The following ALOX15B variants were observed in gnomAD, a reference collection of about 807,000 sequenced individuals.
ALOX15B encodes arachidonate 15-lipoxygenase type B, also known as polyunsaturated fatty acid lipoxygenase ALOX15B.
ALOX15B carries 74 observed loss-of-function variants against 73.8 expected under a neutral mutation model. That is an observed-to-expected ratio of 1.00 (90% CI 0.83 to 1.22). The LOEUF is 1.22. Ranked by LOEUF, ALOX15B falls within the 50% of genes most tolerant of loss-of-function variation. The pLI is 0.00. For missense variants in ALOX15B, 896 were observed against 859.9 expected, an observed-to-expected ratio of 1.04 and a Z score of -0.52; for synonymous variants, 353 against 357.2, an observed-to-expected ratio of 0.99 and a Z score of 0.13.
At chr17:8,041,150 T>C (rs1976454183) in intron 3 of ALOX15B, among the ~76,000 whole-genome samples, 4 of 152,166 alleles carry the variant, frequency 2.6e-5, no homozygotes, top group Non-Finnish European at 5.9e-5. Context: ...AGAGAGGGAA[T>C]AGACATTGAG....
At chr17:8,040,572 A>G (rs1976413395) in intron 3 of ALOX15B, among the ~76,000 whole-genome samples, 1 of 140,242 alleles carries the variant, frequency 7.1e-6, no homozygotes, top group Admixed American at 7.0e-5. Context: ...GGAAGGAAGG[A>G]AAAGGAAGGA....
chr17:8,045,003 T>C lies in ALOX15B; in HGVS notation c.849+2T>C, dbSNP rs746421707. On this transcript the variant is annotated splice_donor_variant, in intron 6 of 13. Coordinates refer to ENST00000380183, the MANE Select transcript of ALOX15B (RefSeq NM_001141.3). LOFTEE classifies it high-confidence loss of function. ...ACCAGCTTGCAGGCTGAGCTAGAGG[T>C]GAGGGGTGCAGGGATCTTGGCTCTG... The C allele has an allele frequency of 2.8e-5, 45 of 1,613,762 alleles. No individual in the cohort carries two copies. Among genetic ancestry groups the C allele is most frequent in the Non-Finnish European group, 3.8e-5 (45 of 1,179,956 alleles).
chr17:8,044,706 G>C, intron 5 of ALOX15B, 123 bp from the exon 6 acceptor site: 1 of 833,164 alleles, frequency 1.2e-6, no homozygotes, highest in Non-Finnish European at 1.9e-6. Context: ...GTAACTCTGA[G>C]GACACACTGT....
intron 5 of ALOX15B, among the ~76,000 whole-genome samples, chr17:8,044,423 C>CAA (rs56146478): frequency 0.038 from 3,580 of 93,644 alleles, 108 homozygotes; most frequent in East Asian, 0.18. Context: ...CAGCCTGTCT[C>CAA]AAAAAAAAAA....
chr17:8,040,043 G>A, intron 3 of ALOX15B, 60 bp downstream of exon 3: 1 of 1,529,582 alleles, frequency 6.5e-7, no homozygotes, highest in African/African-American at 1.4e-5. Flanking sequence ...CAGCTTGAGT[G>A]TCCTGGTCAT....
Position 8,047,215 on chromosome 17 carries a change from G to C in ALOX15B, c.1458-43G>C, listed in dbSNP as rs374014213. 245 of 1,612,882 alleles carry C rather than the reference G, an allele frequency of 1.5e-4. 1 individual carries two copies. The highest frequency in any genetic ancestry group is 2.0e-4 in the Non-Finnish European group (235 of 1,179,414). ...GCTAAGCAGAGGCATTCCTCAGAGC[G>C]GGTCGGGGTTGGAGGCTGGACCTGA... On this transcript the variant is annotated intron_variant, in intron 10 of 13. Transcript: ENST00000380183.
chr17:8,041,795 C>T (rs62065078), intron 3 of ALOX15B, among the ~76,000 whole-genome samples: 3,187 of 152,334 alleles, frequency 0.021, 41 homozygotes, highest in Middle Eastern at 0.044. Flanking sequence ...GGCTGAAGTG[C>T]CTCTCTATGG....
chr17:8,039,585 T>C lies in ALOX15B; in HGVS notation c.347T>C (p.Leu116Pro). Residue 116 changes from leucine (L) to proline (P), a missense_variant, in exon 2 of 14, where the codon CTG (leucine) becomes CCG (proline). Physicochemically the swap from Leu to Pro is moderately conservative, Grantham distance 98 (BLOSUM62 -3). Coordinates refer to ENST00000380183, the MANE Select transcript of ALOX15B (RefSeq NM_001141.3). The part of the protein sequence containing the change: ...CYQWLEGAGT[L>P]VLQEGTAKVS... ...CAGTGGCTGGAGGGGGCGGGGACCC[T>C]GGTGCTGCAGGAGGGTACAGGTGAG... 1 of 1,203,736 alleles carries C rather than the reference T, an allele frequency of 8.3e-7. No individual in the cohort carries two copies. The highest frequency in any genetic ancestry group is 1.1e-6 in the Non-Finnish European group (1 of 919,116). The allele number at this position is 1,203,736 out of a possible 1,614,324, so 74.6% of individuals were successfully genotyped here. A position where few individuals can be genotyped will look rare whatever the true frequency, so the allele number is the denominator to read the frequency against.
chr17:8,047,471 C>T lies in ALOX15B; in HGVS notation c.1579+92C>T, dbSNP rs552501074. 18 of 1,586,250 alleles carry T rather than the reference C, an allele frequency of 1.1e-5. No individual in the cohort carries two copies. The African/African-American group carries it at 1.6e-4, about 14-fold the overall frequency. ...AGCACGCATTTGAGTGGCCCCGTCC[C>T]CGTGTCCCCCACCCTCAAGGCTCAC... On this transcript the variant is annotated intron_variant, in intron 11 of 13. Coordinates refer to ENST00000380183, the MANE Select transcript of ALOX15B (RefSeq NM_001141.3).
chr17:8,047,426 G>C (rs111317013), intron 11 of ALOX15B, 47 bp downstream of exon 11: 1 of 1,608,950 alleles, frequency 6.2e-7, no homozygotes, highest in South Asian at 1.1e-5. Flanking sequence ...GCCCATCCCC[G>C]TGTCCCCCAC....
rs1374015231 is a variant in ALOX15B, at chr17:8,039,125, C to A, written c.-31C>A. 3 of 1,604,808 alleles carry A rather than the reference C, an allele frequency of 1.9e-6. No homozygotes were observed. Among genetic ancestry groups the A allele is most frequent in the Non-Finnish European group, 1.7e-6 (2 of 1,176,008 alleles). On this transcript the variant is annotated 5_prime_UTR_variant, in exon 1 of 14. Coordinates refer to ENST00000380183, the MANE Select transcript of ALOX15B (RefSeq NM_001141.3). ...GGGAGCCCCGCTCTGCAGCCCTGTG[C>A]GCCGTAGAGAGCTGGACTTAGGCTG...
chr17:8,042,823 G>C lies in ALOX15B; in HGVS notation c.615G>C (p.Gly205=). The change falls in exon 5 of 14, where the codon GGG becomes GGC. Residue 205 remains glycine, a synonymous_variant. Transcript: ENST00000380183. ...MKIKGLLDRK[G]LWRSLNEMKR... is the part of the protein sequence containing the mutation. ...TCAAGGGGTTGCTGGACCGCAAGGG[G>C]CTCTGGAGGAGTCTGAATGAGATGA... The C allele has an allele frequency of 6.4e-7, 1 of 1,559,970 alleles. No individual in the cohort carries two copies. The highest frequency in any genetic ancestry group is 1.2e-5 in the South Asian group (1 of 84,598).
Position 8,044,841 on chromosome 17 carries a change from A to T in ALOX15B, c.689A>T (p.Glu230Val). The stretch of plus-strand genomic sequence containing the variant: ...CCACCCCCTGCAGAGCACGCATTTG[A>T]GCACTGGCAGGAGGACGCCTTCTTC... The part of the protein sequence containing the change: ...RRTPAAEHAF[E>V]HWQEDAFFAS... Residue 230 changes from glutamate to valine, a missense_variant, in exon 6 of 14, where the codon GAG becomes GTG. Transcript: ENST00000380183. The T allele has an allele frequency of 2.0e-6, 3 of 1,521,606 alleles. No homozygotes were observed. Among genetic ancestry groups the T allele is most frequent in the Non-Finnish European group, 2.7e-6 (3 of 1,124,962 alleles). The allele number at this position is 1,521,606 out of a possible 1,614,324, so 94.3% of individuals were successfully genotyped here. A position where few individuals can be genotyped will look rare whatever the true frequency, so the allele number is the denominator to read the frequency against.
At chr17:8,039,694 A>C in intron 2 of ALOX15B, 89 bp downstream of exon 2, 1 of 1,339,220 alleles carries the variant, frequency 7.5e-7, no homozygotes, top group Non-Finnish European at 1.0e-6. Context: ...TGAAATGGAG[A>C]GGTGAGCTGG....
At chr17:8,043,103 C>A (rs1976506193) in intron 5 of ALOX15B, among the ~76,000 whole-genome samples, 2 of 152,186 alleles carry the variant, frequency 1.3e-5, no homozygotes, top group Non-Finnish European at 2.9e-5. Context: ...TGAGCTGCTA[C>A]ATATCAGACA....
At chr17:8,043,115 C>G (rs1025577888) in intron 5 of ALOX15B, among the ~76,000 whole-genome samples, 1 of 152,144 alleles carries the variant, frequency 6.6e-6, no homozygotes, top group Non-Finnish European at 1.5e-5. Flanking sequence ...TATCAGACAC[C>G]GGGTTAGGGG....
chr17:8,041,953 C>T (rs902205262), intron 3 of ALOX15B, among the ~76,000 whole-genome samples: 13 of 152,206 alleles, frequency 8.5e-5, no homozygotes, highest in East Asian at 1.9e-4. Context: ...AAAAGTTTGT[C>T]GGCCAGACAC....
intron 4 of ALOX15B, 55 bp from the exon 5 acceptor site, chr17:8,042,726 G>A: frequency 6.7e-7 from 1 of 1,490,444 alleles, no homozygotes; most frequent in East Asian, 2.5e-5. Context: ...TGGCTGACAG[G>A]GAAGGGTCTC....
intron 4 of ALOX15B, 51 bp downstream of exon 4, chr17:8,042,542 T>G: frequency 6.3e-7 from 1 of 1,598,860 alleles, no homozygotes; most frequent in African/African-American, 1.3e-5. Context: ...CCCTATGACC[T>G]CTGCCTTCTG....
Sources: gnomAD v4.1 joint callset for allele counts (sites outside exome capture counted in the v4.1 genomes callset) on GRCh38, gnomAD v4.1.1 for gene constraint, MANE v1.5 for transcripts, NCBI Gene and HGNC (gene_info 2026-07-23, HGNC 2026-07-21) for gene names.